OSBPL9: variants seen among roughly 807,000 people sequenced by gnomAD.
The protein encoded by OSBPL9 is oxysterol binding protein like 9.
In OSBPL9, 40 loss-of-function variants were observed where a neutral mutation model predicts 106.6. That is an observed-to-expected ratio of 0.38 (90% CI 0.29 to 0.49). OSBPL9 has a LOEUF of 0.49. OSBPL9 is among the 20% of genes least tolerant of loss of function. OSBPL9 has a pLI of 0.97. For missense variants in OSBPL9, 609 were observed against 887.2 expected (o/e 0.69, Z 3.98); for synonymous variants, 269 against 295.4 (o/e 0.91, Z 0.92).
intron 1 of OSBPL9, chr1:51,583,065 G>C (rs955070203): frequency 6.6e-6 from 1 of 151,796 alleles, no homozygotes; most frequent in Non-Finnish European, 1.5e-5. Context: ...CTCCAGCCTG[G>C]GTGACAAAGT....
At chr1:51,715,806 A>G (rs1240189329) in intron 4 of OSBPL9, among the ~76,000 whole-genome samples, 1 of 152,014 alleles carries the variant, frequency 6.6e-6, no homozygotes, top group Non-Finnish European at 1.5e-5. Context: ...CTTGTGTGTG[A>G]TGTCCTTTCT....
chr1:51,760,497 T>A (rs2149063629), intron 9 of OSBPL9, 193 bp from the exon 10 acceptor site: 3 of 666,266 alleles, frequency 4.5e-6, no homozygotes, highest in Non-Finnish European at 6.9e-6. Flanking sequence ...TCATTCATTG[T>A]CTTTCCTTAC....
intron 1 of OSBPL9, among the ~76,000 whole-genome samples, chr1:51,592,107 G>GTT (rs1645278666): frequency 7.6e-6 from 1 of 132,166 alleles, no homozygotes; most frequent in African/African-American, 2.8e-5. Context: ...TGTTGCTAAG[G>GTT]CTTTTTTTTT....
At chr1:51,686,909 C>G (rs1189670264) in intron 3 of OSBPL9, among the ~76,000 whole-genome samples, 1 of 152,176 alleles carries the variant, frequency 6.6e-6, no homozygotes, top group Non-Finnish European at 1.5e-5. Context: ...TCCTTCTTTG[C>G]AGAAGTCCTG....
intron 1 of OSBPL9, among the ~76,000 whole-genome samples, chr1:51,630,474 A>G: frequency 6.6e-6 from 1 of 151,982 alleles, no homozygotes; most frequent in East Asian, 1.9e-4. Flanking sequence ...TTGTGTATCT[A>G]AATGTATCTA....
chr1:51,622,363 G>A (rs1644492790), intron 1 of OSBPL9, among the ~76,000 whole-genome samples: 2 of 151,820 alleles, frequency 1.3e-5, no homozygotes, highest in South Asian at 4.1e-4. Context: ...AGAGTGAGTA[G>A]AATAGAGATC....
At chr1:51,704,159 T>G (rs1416625453) in intron 3 of OSBPL9, among the ~76,000 whole-genome samples, 1 of 152,158 alleles carries the variant, frequency 6.6e-6, no homozygotes, top group Non-Finnish European at 1.5e-5. Context: ...ATAAAATGAG[T>G]TAGGGAGGAT....
upstream of OSBPL9, chr1:51,617,048 G>T (rs1356826399): frequency 2.5e-6 from 1 of 400,480 alleles, no homozygotes; most frequent in Admixed American, 4.4e-5. Context: ...CCCGCCCCCC[G>T]CATGCTGAAT....
intron 3 of OSBPL9, among the ~76,000 whole-genome samples, chr1:51,685,678 G>A (rs1003753130): frequency 1.3e-5 from 2 of 152,142 alleles, no homozygotes; most frequent in African/African-American, 4.8e-5. Flanking sequence ...GATTACAGGC[G>A]TGATTCACTG....
intron 3 of OSBPL9, 29 bp downstream of exon 3, chr1:51,669,541 T>A (rs1281948677): frequency 6.2e-7 from 1 of 1,602,894 alleles, no homozygotes; most frequent in Non-Finnish European, 8.5e-7. Flanking sequence ...TTCTTTCTCT[T>A]CATAGTCCCA....
chr1:51,530,170 CAAAAAAAAAAAAA>C, the OSBPL9 span, among the ~76,000 whole-genome samples: 1 of 11,036 alleles, frequency 9.1e-5, no homozygotes, highest in African/African-American at 4.7e-4. Context: ...GACTCTGTCT[CAAAAAAAAAAAAA>C]AAAAAAAAAC....
At chr1:51,783,307 TG>T (rs1156301486) in intron 17 of OSBPL9, among the ~76,000 whole-genome samples, 1 of 151,878 alleles carries the variant, frequency 6.6e-6, no homozygotes, top group Non-Finnish European at 1.5e-5. Flanking sequence ...CCCAGTTAGC[TG>T]GGACTATGGA....
intron 4 of OSBPL9, among the ~76,000 whole-genome samples, chr1:51,718,711 C>A (rs1661519926): frequency 6.6e-6 from 1 of 152,164 alleles, no homozygotes; most frequent in Non-Finnish European, 1.5e-5. Context: ...ATCTTACTGA[C>A]TTCTTGTTGG....
intron 1 of OSBPL9, among the ~76,000 whole-genome samples, chr1:51,638,415 T>C (rs1366180702): frequency 2.0e-5 from 3 of 152,116 alleles, no homozygotes; most frequent in African/African-American, 7.2e-5. Context: ...TTAAATGCTA[T>C]CAGGATGGCT....
At chr1:51,597,464 T>TAC (rs1222614917) in intron 1 of OSBPL9, among the ~76,000 whole-genome samples, 11 of 147,756 alleles carry the variant, frequency 7.4e-5, no homozygotes, top group Admixed American at 2.0e-4. Flanking sequence ...TGTGTGTATA[T>TAC]ACACACACAC....
the OSBPL9 span, among the ~76,000 whole-genome samples, chr1:51,542,615 A>G: frequency 6.6e-6 from 1 of 152,354 alleles, no homozygotes; most frequent in South Asian, 2.1e-4. Flanking sequence ...AATAATTACC[A>G]TGTGCCAGGC....
At chr1:51,718,178 G>T (rs1661420838) in intron 4 of OSBPL9, among the ~76,000 whole-genome samples, 1 of 152,168 alleles carries the variant, frequency 6.6e-6, no homozygotes, top group African/African-American at 2.4e-5. Context: ...TGGAGCTAGA[G>T]AATAGAATTA....
At chr1:51,665,001 A>G (rs565427707) in intron 2 of OSBPL9, among the ~76,000 whole-genome samples, 41 of 152,362 alleles carry the variant, frequency 2.7e-4, no homozygotes, top group African/African-American at 9.6e-4. Flanking sequence ...TGTGATGATA[A>G]GATTCACGGC....
At chr1:51,609,000 C>T (rs1350800343) in intron 2 of OSBPL9, among the ~76,000 whole-genome samples, 1 of 152,100 alleles carries the variant, frequency 6.6e-6, no homozygotes, top group Non-Finnish European at 1.5e-5. Context: ...TTGCCTTTTA[C>T]ACTTCATCAC....
Sources: allele counts gnomAD v4.1 joint callset (sites outside exome capture counted in the v4.1 genomes callset), GRCh38; gene constraint gnomAD v4.1.1; transcripts MANE v1.5; gene names NCBI Gene and HGNC (gene_info 2026-07-23, HGNC 2026-07-21).